Variants in TUBA4B observed in about 807,000 individuals in gnomAD.
TUBA4B encodes tubulin-like protein alpha-4B.
Under a neutral mutation model 18.4 loss-of-function variants are expected in TUBA4B, and 13 were observed. The observed-to-expected ratio is 0.71, with a 90% confidence interval of 0.46 to 1.12. TUBA4B has a LOEUF of 1.12. TUBA4B is among the 50% of genes most tolerant of loss of function. TUBA4B has a pLI of 0.00. For missense variants in TUBA4B, 244 were observed against 250.0 expected, an observed-to-expected ratio of 0.98 and a Z score of 0.16; for synonymous variants, 101 against 99.1, an observed-to-expected ratio of 1.02 and a Z score of -0.11.
chr2:219,257,581 G>T (rs953853991), intron 1 of TUBA4B, among the ~76,000 whole-genome samples: 5 of 139,540 alleles, frequency 3.6e-5, no homozygotes, highest in African/African-American at 1.3e-4. Context: ...GGCAGATGTT[G>T]CAGTGAGCCA....
At position 219,271,314 on chromosome 2, in the gene TUBA4B, C is replaced by T. The variant is rs746239190; in HGVS notation, c.341C>T (p.Pro114Leu). Residue 114 changes from proline (P) to leucine (L), a missense_variant, in exon 4 of 4, where the codon CCC becomes CTC. Pro to Leu is a moderately conservative substitution (Grantham distance 98). Transcript: ENST00000490341. ...CTGGGATTCTCCATCTACCCAGCCC[C>T]CCAGGTGTCTACAGCCATGGTCCAG... is the stretch of plus-strand genomic sequence containing the variant. Reference protein sequence around the residue: ...SKLGFSIYPAPQVSTAMVQPY... With the variant: ...SKLGFSIYPALQVSTAMVQPY... 7 of 1,599,070 alleles carry T rather than the reference C, an allele frequency of 4.4e-6. No individual in the cohort carries two copies. The East Asian group carries it at 1.3e-4, about 31-fold the overall frequency.
At chr2:219,260,720 T>C (rs567308931) in intron 1 of TUBA4B, among the ~76,000 whole-genome samples, 1 of 152,346 alleles carries the variant, frequency 6.6e-6, no homozygotes, top group East Asian at 1.9e-4. Context: ...ACGCCTGTAA[T>C]CCCAGCACTT....
At chr2:219,265,602 A>C (rs1285923100) in intron 1 of TUBA4B, among the ~76,000 whole-genome samples, 1 of 152,124 alleles carries the variant, frequency 6.6e-6, no homozygotes, top group Non-Finnish European at 1.5e-5. Context: ...GCACCACTGC[A>C]CTCCAGCCTG....
chr2:219,263,072 T>A (rs1433112885), intron 1 of TUBA4B, among the ~76,000 whole-genome samples: 6 of 152,224 alleles, frequency 3.9e-5, no homozygotes, highest in Non-Finnish European at 5.9e-5. Context: ...AACTTTTGTG[T>A]TTATCACTGT....
At chr2:219,262,997 C>T (rs1951768988) in intron 1 of TUBA4B, among the ~76,000 whole-genome samples, 1 of 152,040 alleles carries the variant, frequency 6.6e-6, no homozygotes. Flanking sequence ...GCCGAGATAG[C>T]ACCACTGCAC....
chr2:219,254,642 C>T (rs1189637261), intron 1 of TUBA4B: 1 of 152,284 alleles, frequency 6.6e-6, no homozygotes, highest in Admixed American at 6.5e-5. Flanking sequence ...GCTGAGGGCA[C>T]CTGCCCACTC....
chr2:219,266,029 T>G (rs1309771919), intron 1 of TUBA4B, among the ~76,000 whole-genome samples: 1 of 152,236 alleles, frequency 6.6e-6, no homozygotes, highest in African/African-American at 2.4e-5. Flanking sequence ...CCAGGCAGGA[T>G]GTCCTGAGGC....
intron 1 of TUBA4B, among the ~76,000 whole-genome samples, chr2:219,261,901 T>C (rs1220590019): frequency 6.6e-6 from 1 of 152,248 alleles, no homozygotes; most frequent in Non-Finnish European, 1.5e-5. Context: ...TCTGGGTTTT[T>C]GGACACACTG....
intron 1 of TUBA4B, chr2:219,253,867 C>T (rs893643054): frequency 1.4e-6 from 2 of 1,460,462 alleles, no homozygotes; most frequent in Non-Finnish European, 1.8e-6. Context: ...ATGGTGAGTC[C>T]GGGCGGTGCG....
At chr2:219,264,933 T>C (rs1951781445) in intron 1 of TUBA4B, among the ~76,000 whole-genome samples, 1 of 152,206 alleles carries the variant, frequency 6.6e-6, no homozygotes, top group South Asian at 2.1e-4. Context: ...TCTGGATTTT[T>C]CTATGGCCAC....
chr2:219,254,209 G>A (rs1012266245), intron 1 of TUBA4B: 9 of 247,388 alleles, frequency 3.6e-5, no homozygotes, highest in African/African-American at 6.7e-5. Flanking sequence ...CTGTGGCAGG[G>A]CGAGTCTCAC....
In TUBA4B at chr2:219,271,773, C is replaced by T; in HGVS notation, c.*74C>T. On this transcript the variant is annotated 3_prime_UTR_variant, in exon 4 of 4. Transcript: ENST00000490341. ...ATGGAGATGTGGTGCCCAAGGATGT[C>T]AACGCTGCCATTGCTGCCATCAAGA... The T allele has an allele frequency of 6.2e-7, 1 of 1,610,378 alleles. No homozygotes were observed. Among genetic ancestry groups the T allele is most frequent in the African/African-American group, 1.3e-5 (1 of 75,012 alleles).
rs1232564223 is a variant in TUBA4B, at chr2:219,270,238, T to G, written c.95T>G (p.Ile32Ser). Residue 32 changes from isoleucine (I) to serine (S), a missense_variant, in exon 3 of 4, where the codon ATC (isoleucine) becomes AGC (serine). Coordinates refer to ENST00000490341, the MANE Select transcript of TUBA4B (RefSeq NM_001355221.1). ...YRQIFHPEQL[I>S]TGKEDAANNY... is the part of the protein sequence containing the mutation. ...CAGATCTTCCATCCAGAGCAGCTCA[T>G]CACAGGCAAGGAAGATGCTGCCAAT... 6 of 768,332 alleles carry G rather than the reference T, an allele frequency of 7.8e-6. No homozygotes were observed. Among genetic ancestry groups the G allele is most frequent in the Non-Finnish European group, 1.5e-5 (6 of 413,726 alleles). The allele number at this position is 768,332 out of a possible 1,614,324, so 47.6% of individuals were successfully genotyped here. A position where few individuals can be genotyped will look rare whatever the true frequency, so the allele number is the denominator to read the frequency against.
intron 2 of TUBA4B, 141 bp from the exon 3 acceptor site, chr2:219,270,061 A>G: frequency 1.6e-6 from 1 of 616,184 alleles, no homozygotes; most frequent in Non-Finnish European, 2.9e-6. Context: ...AACACATCCA[A>G]GCAGGTAATA....
At chr2:219,261,002 C>A (rs1951756619) in intron 1 of TUBA4B, among the ~76,000 whole-genome samples, 1 of 151,622 alleles carries the variant, frequency 6.6e-6, no homozygotes, top group Non-Finnish European at 1.5e-5. Context: ...TAAATAAAAT[C>A]TTTATTTTAG....
intron 1 of TUBA4B, among the ~76,000 whole-genome samples, chr2:219,264,747 G>C (rs148221698): frequency 6.6e-6 from 1 of 152,124 alleles, no homozygotes; most frequent in African/African-American, 2.4e-5. Context: ...AGTTTAAAAC[G>C]TATACATTGT....
intron 1 of TUBA4B, among the ~76,000 whole-genome samples, chr2:219,260,972 AAAATAAAT>A (rs371755421): frequency 2.6e-5 from 4 of 151,984 alleles, no homozygotes; most frequent in Admixed American, 6.6e-5. Flanking sequence ...TTCATCTAAA[AAAATAAAT>A]AAATAAATAA....
intron 1 of TUBA4B, among the ~76,000 whole-genome samples, chr2:219,265,837 T>G (rs749320587): frequency 1.8e-4 from 27 of 152,342 alleles, no homozygotes; most frequent in Non-Finnish European, 3.5e-4. Context: ...TGCTTTGCCC[T>G]TGGAGAGCAA....
chr2:219,268,686 T>C (rs968119499), intron 2 of TUBA4B, among the ~76,000 whole-genome samples: 1 of 152,234 alleles, frequency 6.6e-6, no homozygotes, highest in African/African-American at 2.4e-5. Flanking sequence ...CTAAAAATCA[T>C]GAAAAGTCAG....
Sources: gnomAD v4.1 joint callset for allele counts (sites outside exome capture counted in the v4.1 genomes callset) on GRCh38, gnomAD v4.1.1 for gene constraint, MANE v1.5 for transcripts, NCBI Gene and HGNC (gene_info 2026-07-23, HGNC 2026-07-21) for gene names.